Variants in BBS2 observed in about 807,000 individuals in gnomAD.
BBS2 encodes the protein Bardet-Biedl syndrome 2, also known as BBSome complex member BBS2.
Under a neutral mutation model 83.0 loss-of-function variants are expected in BBS2, and 62 were observed. The observed-to-expected ratio is 0.75, with a 90% CI of 0.61 to 0.92. The LOEUF is 0.92. Ranked by LOEUF, BBS2 falls within the 40% of genes least tolerant of loss-of-function variation. BBS2 has a pLI of 0.00. For synonymous variants in BBS2, 303 were observed against 326.1 expected (o/e 0.93, Z 0.76); for missense variants, 784 against 901.0 (o/e 0.87, Z 1.66).
intron 11 of BBS2, 139 bp from the exon 12 acceptor site, chr16:56,500,046 C>T: frequency 1.0e-6 from 1 of 977,962 alleles, no homozygotes; most frequent in East Asian, 2.6e-5. Flanking sequence ...CCCCAAAACA[C>T]TTGAGGGTTA....
rs763256317 is a variant in BBS2 at position 56,496,956 on chromosome 16, C to A, written c.1910+11G>T. ...AACCCTGCACCTGTACTAACCATGACAAATACTCACATGTCCCTCATCAGA... is the reference window on the plus strand; with the variant it reads ...AACCCTGCACCTGTACTAACCATGAAAAATACTCACATGTCCCTCATCAGA... On this transcript the variant is annotated intron_variant, in intron 15 of 16. Transcript: ENST00000245157. The A allele has an allele frequency of 1.9e-6, 3 of 1,598,628 alleles. No individual in the cohort carries two copies. The highest frequency in any genetic ancestry group is 1.1e-5 in the South Asian group (1 of 90,752).
chr16:56,482,097 T>C (rs1963672070), downstream of BBS2, among the ~76,000 whole-genome samples: 1 of 152,184 alleles, frequency 6.6e-6, no homozygotes, highest in African/African-American at 2.4e-5. Context: ...GTTTTTTAGC[T>C]AAAGAACAAC....
In BBS2 at chr16:56,485,414, C is replaced by CAA. The variant is rs553432460; in HGVS notation, c.2059+174_2059+175dup. Among the ~76,000 whole-genome samples, 150 of 152,252 alleles carry CAA rather than the reference C, an allele frequency of 9.9e-4. 1 individual carries two copies. Among genetic ancestry groups the CAA allele is most frequent in the Non-Finnish European group, 1.9e-3 (130 of 68,022 alleles). ...TTTCTCTCCCTTTGAAGTCCGGAGA[C>CAA]AAAAGCCAAACACTAGGCCGACTGA... is the stretch of plus-strand genomic sequence containing the variant. On this transcript the variant is annotated intron_variant, in intron 16 of 16. Coordinates refer to ENST00000245157, the MANE Select transcript of BBS2 (RefSeq NM_031885.5).
At chr16:56,499,755 A>C (rs1442046937) in intron 12 of BBS2, 23 bp downstream of exon 12, 1 of 1,613,898 alleles carries the variant, frequency 6.2e-7, no homozygotes, top group East Asian at 2.2e-5. Flanking sequence ...AAAAGCATTG[A>C]AAGAGAAAAG....
chr16:56,473,132 G>A (rs1483290915), intron 17 of BBS2, among the ~76,000 whole-genome samples: 2 of 151,964 alleles, frequency 1.3e-5, no homozygotes, highest in South Asian at 2.1e-4. Context: ...GGGTTTCACC[G>A]TGTTAGCCAG....
At chr16:56,476,363 A>G (rs1219429148) in intron 17 of BBS2, 2 of 540,478 alleles carry the variant, frequency 3.7e-6, no homozygotes, top group Admixed American at 7.6e-5. Flanking sequence ...ATTGTCCTCA[A>G]CCGAGACCTT....
chr16:56,498,794 T>C (rs1964184440), intron 12 of BBS2: 2 of 1,196,268 alleles, frequency 1.7e-6, no homozygotes, highest in Non-Finnish European at 1.1e-6. Context: ...ACCTATGCTC[T>C]TAAGTAACAT....
At chr16:56,503,246 C>T (rs765766774) in intron 7 of BBS2, among the ~76,000 whole-genome samples, 1 of 152,264 alleles carries the variant, frequency 6.6e-6, no homozygotes, top group Admixed American at 6.5e-5. Flanking sequence ...ATAACCAGAA[C>T]ATGGAGAAAT....
intron 1 of BBS2, 64 bp from the exon 2 acceptor site, chr16:56,514,744 TA>T: frequency 7.7e-7 from 1 of 1,290,988 alleles, no homozygotes; most frequent in Non-Finnish European, 1.1e-6. Context: ...TACATTTTTT[TA>T]AAAAAGAACC....
At position 56,470,679 on chromosome 16, in the gene BBS2, G is replaced by A. The variant is rs148423012; in HGVS notation, c.*17C>T. On this transcript the variant is annotated 3_prime_UTR_variant, in exon 18 of 18. Coordinates refer to the BBS2 transcript ENST00000682047. ...AAACCACTGATATCACTGAAGAAGG[G>A]ACTAGCCATAGTCCTCCTGAGCCAG... 8.9e-5 allele frequency: 143 copies of A among 1,614,100 alleles called. No individual in the cohort carries two copies. The African/African-American group carries it at 1.7e-3, about 19-fold the overall frequency.
At chr16:56,501,547 A>G (rs1455343587) in intron 9 of BBS2, 50 bp from the exon 10 acceptor site, 1 of 1,612,492 alleles carries the variant, frequency 6.2e-7, no homozygotes, top group East Asian at 2.2e-5. Flanking sequence ...ACACTGAACT[A>G]ATATCAATTT....
intron 17 of BBS2, among the ~76,000 whole-genome samples, chr16:56,473,813 C>T (rs887440924): frequency 4.8e-5 from 7 of 144,908 alleles, no homozygotes; most frequent in Admixed American, 1.4e-4. Flanking sequence ...TATTAACCTT[C>T]TTTTTTTTTT....
At chr16:56,486,896 G>A (rs1219115347) in intron 15 of BBS2, among the ~76,000 whole-genome samples, 1 of 151,802 alleles carries the variant, frequency 6.6e-6, no homozygotes, top group African/African-American at 2.4e-5. Context: ...CTGAATAGGT[G>A]GGATTACAGG....
chr16:56,510,445 T>C (rs1964544299), intron 4 of BBS2, among the ~76,000 whole-genome samples: 1 of 152,138 alleles, frequency 6.6e-6, no homozygotes, highest in Admixed American at 6.6e-5. Flanking sequence ...GAAGCTAATT[T>C]CTAGGGTAAC....
intron 11 of BBS2, 98 bp from the exon 12 acceptor site, chr16:56,500,005 T>G (rs761741172): frequency 1.4e-5 from 21 of 1,466,456 alleles, no homozygotes; most frequent in Non-Finnish European, 2.0e-5. Flanking sequence ...GGTCATCAAT[T>G]GATATTTAAG....
chr16:56,471,990 C>T (rs2144040665), intron 17 of BBS2, among the ~76,000 whole-genome samples: 1 of 152,280 alleles, frequency 6.6e-6, no homozygotes, highest in Middle Eastern at 3.4e-3. Flanking sequence ...GAGACACGGT[C>T]TTGCACTGTC....
At chr16:56,480,352 C>CCAAAAAAAAA (rs1555519770), downstream of BBS2, among the ~76,000 whole-genome samples, 1 of 76,592 alleles carries the variant, frequency 1.3e-5, no homozygotes, top group Non-Finnish European at 2.3e-5. Flanking sequence ...CACACACACA[C>CCAAAAAAAAA]AAAAAAAAAA....
chr16:56,481,205 T>C (rs1170326690), downstream of BBS2, among the ~76,000 whole-genome samples: 1 of 152,076 alleles, frequency 6.6e-6, no homozygotes, highest in Non-Finnish European at 1.5e-5. Flanking sequence ...TTAAAGTTCC[T>C]AGTTCTTTGA....
At chr16:56,474,573 G>C (rs1963366858) in intron 17 of BBS2, among the ~76,000 whole-genome samples, 2 of 151,992 alleles carry the variant, frequency 1.3e-5, no homozygotes, top group African/African-American at 4.8e-5. Flanking sequence ...GCCCACCTCA[G>C]CCTCCCAAAG....
Sources: gnomAD v4.1 joint callset for allele counts (sites outside exome capture counted in the v4.1 genomes callset) on GRCh38, gnomAD v4.1.1 for gene constraint, MANE v1.5 for transcripts, NCBI Gene and HGNC (gene_info 2026-07-23, HGNC 2026-07-21) for gene names.